Variants in ADGRA2 observed in about 807,000 individuals in gnomAD.
ADGRA2 encodes adhesion G protein-coupled receptor A2, also known as G-protein coupled receptor 124.
A neutral mutation model predicts 98.7 loss-of-function variants in ADGRA2; 61 were observed. The observed-to-expected ratio is 0.62, with a 90% confidence interval of 0.50 to 0.76. The LOEUF (loss-of-function observed/expected upper bound fraction) is 0.76. Ranked by LOEUF, ADGRA2 falls within the 30% of genes least tolerant of loss-of-function variation. ADGRA2 has a pLI of 0.00. For missense variants in ADGRA2, 1,712 were observed against 1,860.0 expected, an observed-to-expected ratio of 0.92 and a Z score of 1.46; for synonymous variants, 858 against 831.5, an observed-to-expected ratio of 1.03 and a Z score of -0.55.
intron 2 of ADGRA2, among the ~76,000 whole-genome samples, chr8:37,821,758 A>G (rs1179095421): frequency 6.6e-6 from 1 of 152,200 alleles, no homozygotes; most frequent in African/African-American, 2.4e-5. Flanking sequence ...ATGATTTGTC[A>G]TTACTTAATG....
rs1482300876 is a variant in ADGRA2 at position 37,841,668 on chromosome 8, C to CGGGGAGG, written c.3332_3338dup (p.Pro1114GlyfsTer154). 1 of 1,527,958 alleles carries CGGGGAGG rather than the reference C, an allele frequency of 6.5e-7. No homozygotes were observed. The highest frequency in any genetic ancestry group is 8.8e-7 in the Non-Finnish European group (1 of 1,136,994). 94.7% of individuals were successfully genotyped at this position (1,527,958 alleles called of 1,614,324 possible). Reference sequence around the variant, plus strand: ...CCGCAGAGGACGGTTCCCCGGTGTTCGGGGAGGGCCCCCCCTCCCTCAAGT... The same window carrying CGGGGAGG: ...CCGCAGAGGACGGTTCCCCGGTGTTCGGGGAGGGGGGAGGGCCCCCCCTCCCTCAAGT... On this transcript the variant is annotated frameshift_variant, in exon 19 of 19. Transcript: ENST00000412232. LOFTEE classifies it low-confidence loss of function (END_TRUNC). This position sits in a 1 kb window ranked among gnomAD's most constrained non-coding sequence, Gnocchi z 5.0.
rs552801772 is a variant in ADGRA2 at position 37,825,770 on chromosome 8, T to C, written c.339-3118T>C. On this transcript the variant is annotated intron_variant, in intron 2 of 18. Transcript: ENST00000412232. ...CTCCCGCCCCGAGGGAGGACACAGCTTCTTACCCAGAGGGACCAGGCAGCA... is the reference window on the plus strand; with the variant it reads ...CTCCCGCCCCGAGGGAGGACACAGCCTCTTACCCAGAGGGACCAGGCAGCA... Among the ~76,000 whole-genome samples the C allele has an allele frequency of 3.9e-4, 59 of 152,324 alleles. No homozygotes were observed. In the East Asian group the frequency reaches 4.2e-3, roughly 11 times the overall value.
At position 37,834,034 on chromosome 8, in the gene ADGRA2, C is replaced by T. The variant is rs759430377; in HGVS notation, c.1514C>T (p.Ala505Val). ...GTGGACGAGCACCTGCTGTGGCTGG[C>T]CCAGCGCGAGGACAAGGCCTGCAGC... The part of the protein sequence containing the change: ...MLVDEHLLWL[A>V]QREDKACSRI... The change falls in exon 11 of 19, where the codon GCC (alanine) becomes GTC (valine). Residue 505 changes from alanine to valine, a missense_variant. Coordinates refer to ENST00000412232, the MANE Select transcript of ADGRA2 (RefSeq NM_032777.10). The surrounding 1 kb of genome is among the most constrained non-coding windows in gnomAD (Gnocchi z 4.2). 1.9e-6 allele frequency: 3 copies of T among 1,612,912 alleles called. No individual in the cohort carries two copies. The South Asian group carries it at 3.3e-5, about 18-fold the overall frequency.
At position 37,835,192 on chromosome 8, in the gene ADGRA2, T is replaced by C. The variant is rs572515741; in HGVS notation, c.1627T>C (p.Leu543=). Residue 543 remains leucine, a synonymous_variant, in exon 12 of 19, where the codon TTG becomes CTG. Coordinates refer to ENST00000412232, the MANE Select transcript of ADGRA2 (RefSeq NM_032777.10). ...TCCCCAGAATGCGAGGAACGTGGCATTGGAGGCCTACCTCATCAAGCCGCA... is the reference window on the plus strand; with the variant it reads ...TCCCCAGAATGCGAGGAACGTGGCACTGGAGGCCTACCTCATCAAGCCGCA... ...HISVNARNVA[L]EAYLIKPHSY... 2 of 1,613,608 alleles carry C rather than the reference T, an allele frequency of 1.2e-6. No homozygotes were observed. Among genetic ancestry groups the C allele is most frequent in the Admixed American group, 1.7e-5 (1 of 60,004 alleles).
intron 3 of ADGRA2, 56 bp from the exon 4 acceptor site, chr8:37,829,205 G>A: frequency 7.5e-7 from 1 of 1,327,142 alleles, no homozygotes; most frequent in Non-Finnish European, 1.1e-6. Context: ...TTCCTCACAA[G>A]TGGACCCACG....
At chr8:37,808,189 G>A (rs1804731015) in intron 1 of ADGRA2, among the ~76,000 whole-genome samples, 1 of 152,200 alleles carries the variant, frequency 6.6e-6, no homozygotes, top group South Asian at 2.1e-4. Context: ...GAGACTCCAG[G>A]GACTGGCCCT....
chr8:37,841,246 G>A lies in ADGRA2; in HGVS notation c.2908G>A (p.Gly970Arg). The change falls in exon 19 of 19, where the codon GGG becomes AGG. Residue 970 changes from glycine (G) to arginine (R), a missense_variant. Physicochemically the swap from Gly to Arg is moderately radical, Grantham distance 125. Coordinates refer to ENST00000412232, the MANE Select transcript of ADGRA2 (RefSeq NM_032777.10). The surrounding 1 kb of genome is among the most constrained non-coding windows in gnomAD (Gnocchi z 5.0). ...CAACAGCAGGGCCTCCCTGGAGGCA[G>A]GGGAGGAGCTGAGGGGTTCCACCAG... ...AGNSRASLEA[G>R]EELRGSTRLR... 6.2e-7 allele frequency: 1 copy of A among 1,613,346 alleles called. No homozygotes were observed. The highest frequency in any genetic ancestry group is 8.5e-7 in the Non-Finnish European group (1 of 1,179,792).
chr8:37,844,495 G>A lies in ADGRA2; in HGVS notation c.*2140G>A, dbSNP rs1306280068. On this transcript the variant is annotated 3_prime_UTR_variant, in exon 19 of 19. Transcript: ENST00000412232. ...GTGCTCCCAGTGGATATCCATCAGG[G>A]AGGGTTAGGGACACTCGTGGCAGCC... is the stretch of plus-strand genomic sequence containing the variant. 6.2e-7 allele frequency: 1 copy of A among 1,612,098 alleles called. No individual in the cohort carries two copies. Among genetic ancestry groups the A allele is most frequent in the African/African-American group, 1.3e-5 (1 of 75,010 alleles).
At chr8:37,831,352 C>T (rs1268452580) in intron 7 of ADGRA2, 71 bp from the exon 8 acceptor site, 40 of 1,429,124 alleles carry the variant, frequency 2.8e-5, no homozygotes, top group Admixed American at 1.4e-4. Flanking sequence ...TGTTGTAGGA[C>T]GGTGCTGAGG....
chr8:37,798,073 T>G (rs891033584), intron 1 of ADGRA2, among the ~76,000 whole-genome samples: 22 of 152,086 alleles, frequency 1.4e-4, no homozygotes, highest in Admixed American at 6.5e-5. Flanking sequence ...GCCGGTCTCC[T>G]TAGGGCAAGG....
intron 1 of ADGRA2, among the ~76,000 whole-genome samples, chr8:37,801,452 C>T (rs1804501653): frequency 6.6e-6 from 1 of 152,128 alleles, no homozygotes; most frequent in African/African-American, 2.4e-5. Context: ...AAGGTGCAGA[C>T]CACTGTGAGC....
chr8:37,811,191 C>CG, intron 1 of ADGRA2, among the ~76,000 whole-genome samples: 1 of 94,380 alleles, frequency 1.1e-5, no homozygotes, highest in East Asian at 4.6e-4. Context: ...TTTTTTGAGA[C>CG]GGAGTTTCAC....
chr8:37,809,279 G>C (rs932609124), intron 1 of ADGRA2, among the ~76,000 whole-genome samples: 5 of 149,250 alleles, frequency 3.4e-5, no homozygotes, highest in Non-Finnish European at 7.4e-5. Context: ...CTGGGCAATA[G>C]AGCGAAACTT....
rs1205735487 is a variant in ADGRA2 at position 37,844,034 on chromosome 8, C to T, written c.*1679C>T. The T allele has an allele frequency of 1.7e-5, 3 of 177,840 alleles. No individual in the cohort carries two copies. Among genetic ancestry groups the T allele is most frequent in the Non-Finnish European group, 2.4e-5 (2 of 81,688 alleles). The allele number at this position is 177,840 out of a possible 1,614,324, so 11.0% of individuals were successfully genotyped here. ...GTAGAGGATCTCATGACACCATACA[C>T]ACAAACCCATCATTGCCTGTGAATG... On this transcript the variant is annotated 3_prime_UTR_variant, in exon 19 of 19. Transcript: ENST00000412232.
In ADGRA2 at chr8:37,797,598, G is replaced by C; in HGVS notation, c.266+64G>C. Reference sequence around the variant, plus strand: ...CTGGGGACGAAGGGAGGCGAGACGGGAGGGGTGGGAGCAGGGGGAAGGGGG... The same window carrying C: ...CTGGGGACGAAGGGAGGCGAGACGGCAGGGGTGGGAGCAGGGGGAAGGGGG... On this transcript the variant is annotated intron_variant, in intron 1 of 18. Coordinates refer to ENST00000412232, the MANE Select transcript of ADGRA2 (RefSeq NM_032777.10). This position sits in a 1 kb window ranked among gnomAD's most constrained non-coding sequence, Gnocchi z 5.3. The C allele has an allele frequency of 8.0e-7, 1 of 1,256,860 alleles. No individual in the cohort carries two copies. The allele number at this position is 1,256,860 out of a possible 1,614,324, so 77.9% of individuals were successfully genotyped here. A position where few individuals can be genotyped will look rare whatever the true frequency, so the allele number is the denominator to read the frequency against.
rs149585540 is a variant in ADGRA2, at chr8:37,841,164, T to C, written c.2826T>C (p.Tyr942=). The C allele has an allele frequency of 1.4e-5, 23 of 1,612,768 alleles. No homozygotes were observed. Among genetic ancestry groups the C allele is most frequent in the Non-Finnish European group, 1.7e-5 (20 of 1,179,978 alleles). Residue 942 remains tyrosine (Y), a synonymous_variant, in exon 19 of 19, where the codon TAT becomes TAC. Transcript: ENST00000412232. This position sits in a 1 kb window ranked among gnomAD's most constrained non-coding sequence, Gnocchi z 5.0. The stretch of plus-strand genomic sequence containing the variant: ...TGATTCTGCTCATCACCTGGATCTA[T>C]TTCCTGTGCGCCGGGCTACGCTTAC... ...VALILLITWI[Y]FLCAGLRLRG... is the part of the protein sequence containing the mutation.
chr8:37,804,385 G>A (rs1804600632), intron 1 of ADGRA2, among the ~76,000 whole-genome samples: 1 of 152,174 alleles, frequency 6.6e-6, no homozygotes, highest in Non-Finnish European at 1.5e-5. Flanking sequence ...AGGCAGCAGG[G>A]GCCCTGGAGG....
At chr8:37,817,872 C>G (rs1646777048) in intron 2 of ADGRA2, among the ~76,000 whole-genome samples, 1 of 152,058 alleles carries the variant, frequency 6.6e-6, no homozygotes, top group South Asian at 2.1e-4. Flanking sequence ...CAAAAATTAG[C>G]CGGGTGTGGT....
chr8:37,838,874 G>T, intron 14 of ADGRA2, 82 bp from the exon 15 acceptor site: 2 of 1,474,546 alleles, frequency 1.4e-6, no homozygotes, highest in Non-Finnish European at 1.8e-6. Context: ...CAAGGCTGAC[G>T]GGGCCTGGGA....
Sources: gnomAD v4.1 joint callset for allele counts (sites outside exome capture counted in the v4.1 genomes callset) on GRCh38, gnomAD v4.1.1 for gene constraint, Gnocchi (gnomAD v3.1) non-coding constraint, MANE v1.5 for transcripts, NCBI Gene and HGNC (gene_info 2026-07-23, HGNC 2026-07-21) for gene names.